The following CADM2 variants were observed in gnomAD, a reference collection of about 807,000 sequenced individuals.
CADM2 encodes immunoglobulin superfamily member 4D.
A neutral mutation model predicts 49.8 loss-of-function variants in CADM2; 12 were observed. The ratio of observed to expected loss-of-function variants is 0.24; its 90% CI spans 0.15 to 0.39. The LOEUF (loss-of-function observed/expected upper bound fraction) is 0.39. Ranked by LOEUF, CADM2 falls within the 10% of genes least tolerant of loss-of-function variation. The pLI is 1.00. For synonymous variants in CADM2, 214 were observed against 175.4 expected, an observed-to-expected ratio of 1.22 and a Z score of -1.74; for missense variants, 378 against 492.3, an observed-to-expected ratio of 0.77 and a Z score of 2.20.
At chr3:85,931,442 GA>G (rs897020655) in intron 6 of CADM2, among the ~76,000 whole-genome samples, 1 of 150,932 alleles carries the variant, frequency 6.6e-6, no homozygotes, top group Non-Finnish European at 1.5e-5. Context: ...GACCTTGTCT[GA>G]AAAAAAAGAA....
chr3:85,248,537 A>G (rs2042702370), intron 1 of CADM2, among the ~76,000 whole-genome samples: 1 of 152,128 alleles, frequency 6.6e-6, no homozygotes, highest in Admixed American at 6.5e-5. Flanking sequence ...TGGCTTCCCA[A>G]TTTGCTAGGA....
chr3:85,435,826 TG>T (rs2036901761), intron 1 of CADM2, among the ~76,000 whole-genome samples: 1 of 152,176 alleles, frequency 6.6e-6, no homozygotes, highest in Admixed American at 6.6e-5. Context: ...TTTTGAGAAG[TG>T]CCTGTTCGCT....
intron 1 of CADM2, among the ~76,000 whole-genome samples, chr3:85,073,163 T>C (rs1009910840): frequency 2.0e-5 from 3 of 152,142 alleles, no homozygotes; most frequent in African/African-American, 7.2e-5. Context: ...GATGTGATAC[T>C]TAGGAATCAG....
chr3:85,933,280 C>T (rs1028567137), intron 6 of CADM2, among the ~76,000 whole-genome samples: 1 of 151,784 alleles, frequency 6.6e-6, no homozygotes, highest in Non-Finnish European at 1.5e-5. Flanking sequence ...AATATTCCAT[C>T]AATAGTCCTG....
At chr3:85,269,189 G>T (rs532074707) in intron 1 of CADM2, among the ~76,000 whole-genome samples, 1 of 151,334 alleles carries the variant, frequency 6.6e-6, no homozygotes, top group East Asian at 1.9e-4. Context: ...TTAAGCCCAG[G>T]ATTCTAATAA....
chr3:85,595,640 G>T (rs979302623), intron 1 of CADM2, among the ~76,000 whole-genome samples: 5 of 151,944 alleles, frequency 3.3e-5, no homozygotes, highest in African/African-American at 9.7e-5. Context: ...GATTATAATT[G>T]TCCAGTGTAG....
intron 8 of CADM2, among the ~76,000 whole-genome samples, chr3:86,020,109 AAG>A (rs1354612049): frequency 3.3e-5 from 5 of 152,194 alleles, no homozygotes; most frequent in African/African-American, 1.2e-4. Context: ...TAAAGAAAAA[AAG>A]AGAGAAGAAT....
chr3:84,967,757 T>C (rs573296274), intron 1 of CADM2, among the ~76,000 whole-genome samples: 6 of 152,110 alleles, frequency 3.9e-5, no homozygotes, highest in African/African-American at 1.2e-4. Flanking sequence ...ATTGGGTGTT[T>C]TTCCTTTCAA....
At chr3:85,789,803 A>C (rs1265859716) in intron 2 of CADM2, among the ~76,000 whole-genome samples, 2 of 152,178 alleles carry the variant, frequency 1.3e-5, no homozygotes, top group African/African-American at 4.8e-5. Context: ...TATTTATTCT[A>C]TTTGACTAAT....
rs149437053 is a variant in CADM2 at position 85,605,890 on chromosome 3, C to A, written c.62-120632C>A. On this transcript the variant is annotated intron_variant, in intron 1 of 9. Transcript: ENST00000383699. The stretch of plus-strand genomic sequence containing the variant: ...GGAAACTCTTTCCTGAATAAAGAAC[C>A]TCAAATATAAAATCTCATGGCCACA... Among the ~76,000 whole-genome samples, 136 of 152,104 alleles carry A rather than the reference C, an allele frequency of 8.9e-4. 1 individual carries two copies. The highest frequency in any genetic ancestry group is 3.2e-3 in the African/African-American group (132 of 41,532).
At chr3:85,756,741 T>C (rs1210029869) in intron 2 of CADM2, among the ~76,000 whole-genome samples, 1 of 152,170 alleles carries the variant, frequency 6.6e-6, no homozygotes, top group African/African-American at 2.4e-5. Context: ...TATTACTAAC[T>C]TTTTAGTCTT....
At chr3:85,181,594 GT>G (rs1044310933) in intron 1 of CADM2, among the ~76,000 whole-genome samples, 1 of 151,906 alleles carries the variant, frequency 6.6e-6, no homozygotes, top group Non-Finnish European at 1.5e-5. Flanking sequence ...TAGCGGGGAA[GT>G]TTCTCTAAAA....
At chr3:85,214,669 G>C (rs1274082023) in intron 1 of CADM2, among the ~76,000 whole-genome samples, 3 of 151,892 alleles carry the variant, frequency 2.0e-5, no homozygotes, top group East Asian at 3.9e-4. Context: ...CAAGCTGCAA[G>C]ACAATGTCCT....
At chr3:85,743,494 A>G (rs1003635472) in intron 2 of CADM2, among the ~76,000 whole-genome samples, 4 of 152,102 alleles carry the variant, frequency 2.6e-5, no homozygotes, top group African/African-American at 4.8e-5. Flanking sequence ...CTTTTTTCCC[A>G]TTGAAACTTT....
intron 1 of CADM2, among the ~76,000 whole-genome samples, chr3:85,637,304 A>G (rs1241970234): frequency 6.6e-6 from 1 of 151,954 alleles, no homozygotes; most frequent in Non-Finnish European, 1.5e-5. Context: ...TTTCTTTTGA[A>G]TTTAAAAGGT....
intron 8 of CADM2, among the ~76,000 whole-genome samples, chr3:86,039,413 C>T (rs530498364): frequency 2.0e-4 from 30 of 152,272 alleles, no homozygotes; most frequent in East Asian, 9.7e-4. Flanking sequence ...ATGGTCTTAG[C>T]GAACGGCACA....
chr3:85,607,304 T>C (rs2063562619), intron 1 of CADM2, among the ~76,000 whole-genome samples: 1 of 152,114 alleles, frequency 6.6e-6, no homozygotes, highest in African/African-American at 2.4e-5. Flanking sequence ...TTACATAATT[T>C]CAGAGAATCT....
chr3:85,786,596 G>A (rs1006216654), intron 2 of CADM2, among the ~76,000 whole-genome samples: 2 of 151,968 alleles, frequency 1.3e-5, no homozygotes, highest in Admixed American at 6.6e-5. Flanking sequence ...TAGTTTGTTC[G>A]TTAGGGAATA....
In CADM2 at chr3:85,344,298, T is replaced by C. The variant is rs959942558; in HGVS notation, c.62-382224T>C. 8.6e-5 allele frequency among the ~76,000 whole-genome samples: 13 copies of C among 151,628 alleles called. 1 individual carries two copies. The highest frequency in any genetic ancestry group is 3.2e-4 in the African/African-American group (13 of 41,264). ...TGGGAGGCTAAGGCAGGAGAATTGC[T>C]TGAACTCGGGAACTGGAGGTTACAG... On this transcript the variant is annotated intron_variant, in intron 1 of 9. Transcript: ENST00000383699.
Sources: allele counts gnomAD v4.1 joint callset (sites outside exome capture counted in the v4.1 genomes callset), GRCh38; gene constraint gnomAD v4.1.1; transcripts MANE v1.5; gene names NCBI Gene and HGNC (gene_info 2026-07-23, HGNC 2026-07-21).